CNTN5: variants seen among roughly 807,000 people sequenced by gnomAD.
The protein encoded by CNTN5 is contactin-5.
In CNTN5, 77 loss-of-function variants were observed where a neutral mutation model predicts 129.1. The ratio of observed to expected loss-of-function variants is 0.60; its 90% CI spans 0.50 to 0.72. The LOEUF is 0.72. Ranked by LOEUF, CNTN5 falls within the 30% of genes least tolerant of loss-of-function variation. CNTN5 has a pLI of 0.00. For missense variants in CNTN5, 1,478 were observed against 1,328.8 expected (o/e 1.11, Z -1.75); for synonymous variants, 509 against 465.6 (o/e 1.09, Z -1.20).
At chr11:99,882,406 G>A (rs1441386) in intron 6 of CNTN5, among the ~76,000 whole-genome samples, 123,931 of 152,084 alleles carry the variant, frequency 0.81, 50,657 homozygotes, top group East Asian at 0.91. Flanking sequence ...ACTTTGAGCA[G>A]TAAACACCCA....
intron 13 of CNTN5, among the ~76,000 whole-genome samples, chr11:100,091,383 C>T (rs1944775399): frequency 1.3e-5 from 2 of 150,860 alleles, no homozygotes; most frequent in South Asian, 4.2e-4. Context: ...AATCACTCAT[C>T]ACACTCTGCA....
At chr11:99,240,727 T>A (rs1271856351) in intron 1 of CNTN5, among the ~76,000 whole-genome samples, 1 of 152,330 alleles carries the variant, frequency 6.6e-6, no homozygotes, top group South Asian at 2.1e-4. Flanking sequence ...AAAATTATGA[T>A]ATTGATCCTC....
At chr11:99,431,070 A>G (rs964053427) in intron 2 of CNTN5, among the ~76,000 whole-genome samples, 5 of 146,024 alleles carry the variant, frequency 3.4e-5, no homozygotes, top group African/African-American at 1.3e-4. Context: ...AGGCCTTGTT[A>G]GGCATAACTC....
At chr11:100,350,641 G>A in intron 23 of CNTN5, 61 bp from the exon 24 acceptor site, 1 of 1,242,050 alleles carries the variant, frequency 8.1e-7, no homozygotes, top group Non-Finnish European at 1.1e-6. Flanking sequence ...CACATAGTAG[G>A]CAGTCAATGT....
intron 7 of CNTN5, among the ~76,000 whole-genome samples, chr11:99,933,902 T>A (rs996935580): frequency 3.0e-4 from 45 of 152,324 alleles, no homozygotes; most frequent in African/African-American, 1.0e-3. Context: ...GAGGTATATG[T>A]CTTTGTGTGA....
In CNTN5 at chr11:100,358,203, TG is replaced by T. The variant is rs1454926013; in HGVS notation, c.*1985del. On this transcript the variant is annotated 3_prime_UTR_variant, in exon 25 of 25. Transcript: ENST00000524871. ...AAGCCATTTTCTTCATTTTCCATGG[TG>T]GTGTACACCAGATTTAGTGAAGGAC... The T allele has an allele frequency of 2.6e-5, 4 of 151,946 alleles. No homozygotes were observed. The highest frequency in any genetic ancestry group is 6.6e-5 in the Admixed American group (1 of 15,210). The allele number at this position is 151,946 out of a possible 1,614,324, so 9.4% of individuals were successfully genotyped here.
At chr11:99,140,315 G>C (rs1343404657) in intron 1 of CNTN5, among the ~76,000 whole-genome samples, 4 of 152,028 alleles carry the variant, frequency 2.6e-5, no homozygotes, top group African/African-American at 9.7e-5. Context: ...CTCAGGTAGT[G>C]AGCATAGTAC....
chr11:99,755,500 C>G (rs1007564764), intron 3 of CNTN5, among the ~76,000 whole-genome samples: 1 of 151,950 alleles, frequency 6.6e-6, no homozygotes, highest in African/African-American at 2.4e-5. Flanking sequence ...TTTTTATATG[C>G]TTATTTGCCA....
At chr11:100,149,580 A>G (rs147304358) in intron 13 of CNTN5, among the ~76,000 whole-genome samples, 35 of 152,326 alleles carry the variant, frequency 2.3e-4, no homozygotes, top group Non-Finnish European at 2.1e-4. Flanking sequence ...GCACAATGTC[A>G]TGGCACAAAT....
intron 3 of CNTN5, among the ~76,000 whole-genome samples, chr11:99,800,642 A>G (rs1946085396): frequency 6.6e-6 from 1 of 152,044 alleles, no homozygotes; most frequent in African/African-American, 2.4e-5. Flanking sequence ...TGAATAGTTG[A>G]GTCTTCTTGT....
intron 13 of CNTN5, among the ~76,000 whole-genome samples, chr11:100,190,290 C>T (rs1181664388): frequency 6.6e-6 from 1 of 152,052 alleles, no homozygotes; most frequent in African/African-American, 2.4e-5. Context: ...TATTATGTTT[C>T]AGGTTGCCGG....
At chr11:99,355,993 A>AT (rs1244071708) in intron 2 of CNTN5, among the ~76,000 whole-genome samples, 1 of 151,360 alleles carries the variant, frequency 6.6e-6, no homozygotes, top group Non-Finnish European at 1.5e-5. Flanking sequence ...CACCCAGCTA[A>AT]TTTTTTGTAT....
intron 2 of CNTN5, among the ~76,000 whole-genome samples, chr11:99,451,878 C>A (rs10893358): frequency 0.17 from 26,449 of 152,032 alleles, 2,616 homozygotes; most frequent in Admixed American, 0.23. Context: ...TCACAAGACT[C>A]TTCACAATTA....
At chr11:99,460,300 A>T (rs1944648052) in intron 2 of CNTN5, among the ~76,000 whole-genome samples, 1 of 151,580 alleles carries the variant, frequency 6.6e-6, no homozygotes, top group Non-Finnish European at 1.5e-5. Context: ...AATATTAATT[A>T]TTTAAGAAAT....
rs73563760 is a variant in CNTN5, at chr11:100,278,325, T to C, written c.2314+7084T>C. On this transcript the variant is annotated intron_variant, in intron 18 of 24. Coordinates refer to ENST00000524871, the MANE Select transcript of CNTN5 (RefSeq NM_014361.4). ...TTGTGATCTGATATAAACTTAAGAA[T>C]TGTTTTTTCTATTTCTGTGAAGAAT... Among the ~76,000 whole-genome samples the C allele has an allele frequency of 8.7e-3, 1,324 of 152,198 alleles. 27 individuals are homozygous for C. Among genetic ancestry groups the C allele is most frequent in the African/African-American group, 0.031 (1,271 of 41,572 alleles).
At chr11:100,162,106 C>G (rs930376205) in intron 13 of CNTN5, among the ~76,000 whole-genome samples, 12 of 151,790 alleles carry the variant, frequency 7.9e-5, no homozygotes, top group African/African-American at 2.4e-4. Flanking sequence ...TCCTTGGACT[C>G]TCATTCTGGC....
intron 6 of CNTN5, among the ~76,000 whole-genome samples, chr11:99,859,290 G>A (rs1342053907): frequency 6.6e-6 from 1 of 152,158 alleles, no homozygotes; most frequent in Non-Finnish European, 1.5e-5. Flanking sequence ...CTTAACGTAT[G>A]TAATATATCT....
rs61911655 is a variant in CNTN5 at position 99,923,749 on chromosome 11, A to G, written c.673+7600A>G. Among the ~76,000 whole-genome samples, 144 of 145,190 alleles carry G rather than the reference A, an allele frequency of 9.9e-4. 1 individual carries two copies. Among genetic ancestry groups the G allele is most frequent in the African/African-American group, 3.3e-3 (131 of 39,164 alleles). On this transcript the variant is annotated intron_variant, in intron 7 of 24. Transcript: ENST00000524871. The stretch of plus-strand genomic sequence containing the variant: ...TCACCAATATCTGTCTATCTAATCT[A>G]TCTGTCTGTCTATCTATCTATCTAT...
chr11:99,527,931 C>T (rs1947550710), intron 2 of CNTN5, among the ~76,000 whole-genome samples: 1 of 152,056 alleles, frequency 6.6e-6, no homozygotes, highest in Admixed American at 6.6e-5. Context: ...GTCAAACAAT[C>T]CAGAGATGCA....
Sources: gnomAD v4.1 joint callset for allele counts (sites outside exome capture counted in the v4.1 genomes callset) on GRCh38, gnomAD v4.1.1 for gene constraint, MANE v1.5 for transcripts, NCBI Gene and HGNC (gene_info 2026-07-23, HGNC 2026-07-21) for gene names.